The following CALN1 variants were observed in gnomAD, a reference collection of about 807,000 sequenced individuals.
CALN1 encodes the protein calcium-binding protein 8.
CALN1 carries 17 observed loss-of-function variants against 30.6 expected under a neutral mutation model. The observed-to-expected ratio is 0.56, with a 90% CI of 0.38 to 0.83. The LOEUF (loss-of-function observed/expected upper bound fraction) is 0.83, where lower values mean the gene tolerates loss of function less well. Among genes scored for constraint, CALN1 ranks in the 40% least tolerant of loss-of-function variants. The pLI is 0.00. For synonymous variants in CALN1, 156 were observed against 131.4 expected (o/e 1.19, Z -1.28); for missense variants, 291 against 354.9 (o/e 0.82, Z 1.45).
chr7:72,248,679 A>G (rs1795349563), intron 3 of CALN1, among the ~76,000 whole-genome samples: 2 of 152,130 alleles, frequency 1.3e-5, no homozygotes, highest in South Asian at 2.1e-4. Flanking sequence ...CACATCTGCA[A>G]TGTACTTTTT....
chr7:71,789,522 T>A (rs1013121440), intron 6 of CALN1, among the ~76,000 whole-genome samples: 1 of 152,116 alleles, frequency 6.6e-6, no homozygotes, highest in African/African-American at 2.4e-5. Flanking sequence ...CCGTGAGATC[T>A]TGGATGCTGC....
At chr7:72,308,910 T>C (rs1202827239) in intron 2 of CALN1, among the ~76,000 whole-genome samples, 2 of 152,210 alleles carry the variant, frequency 1.3e-5, no homozygotes, top group Non-Finnish European at 2.9e-5. Context: ...TGAAATTCCA[T>C]GCAACTAACT....
chr7:72,203,995 T>A (rs1378997406), intron 3 of CALN1, among the ~76,000 whole-genome samples: 2 of 123,840 alleles, frequency 1.6e-5, no homozygotes, highest in East Asian at 2.4e-4. Flanking sequence ...TTTTTTTTTT[T>A]TTTTTTTTTT....
intron 1 of CALN1, among the ~76,000 whole-genome samples, chr7:72,411,156 GA>G (rs944738443): frequency 2.0e-5 from 3 of 151,910 alleles, no homozygotes; most frequent in Non-Finnish European, 2.9e-5. Flanking sequence ...TTACAGATTT[GA>G]AAAAAACTAT....
intron 5 of CALN1, among the ~76,000 whole-genome samples, chr7:71,973,690 T>C (rs1797961854): frequency 6.6e-6 from 1 of 152,130 alleles, no homozygotes; most frequent in African/African-American, 2.4e-5. Context: ...TTGGCACATT[T>C]AAGATGCATG....
chr7:71,877,638 A>T (rs559708875), intron 5 of CALN1, among the ~76,000 whole-genome samples: 2 of 138,710 alleles, frequency 1.4e-5, no homozygotes, highest in African/African-American at 5.2e-5. Context: ...AGACCTTTAT[A>T]AAAAAAAAAC....
At chr7:72,487,955 AAAGGAAGG>A in the CALN1 span, among the ~76,000 whole-genome samples, 66 of 54,428 alleles carry the variant, frequency 1.2e-3, 1 homozygote, top group East Asian at 0.014. Context: ...GGAAGGAAGG[AAAGGAAGG>A]AAGGAAGGAA....
At chr7:72,458,104 C>A in the CALN1 span, among the ~76,000 whole-genome samples, 76 of 110,792 alleles carry the variant, frequency 6.9e-4, no homozygotes, top group Non-Finnish European at 1.5e-3. Flanking sequence ...ACAACAAATT[C>A]TGGTTAAAAT....
rs138621315 is a variant in CALN1 at position 72,207,661 on chromosome 7, TAAG to T, written c.244+71022_244+71024del. 1.2e-3 allele frequency among the ~76,000 whole-genome samples: 189 copies of T among 152,272 alleles called. 1 individual carries two copies. In the East Asian group the frequency reaches 0.034, roughly 27 times the overall value. The stretch of plus-strand genomic sequence containing the variant: ...TCCCCTGCCAAAAATATAAGCCTTG[TAAG>T]AAGGACATTCTCTGTCTTTACATTG... On this transcript the variant is annotated intron_variant, in intron 3 of 6. Coordinates refer to ENST00000395275, the MANE Select transcript of CALN1 (RefSeq NM_031468.4).
At chr7:72,182,561 A>C (rs971291229) in intron 3 of CALN1, among the ~76,000 whole-genome samples, 1 of 152,138 alleles carries the variant, frequency 6.6e-6, no homozygotes, top group Non-Finnish European at 1.5e-5. Context: ...CTCTACAAAA[A>C]ATACAAAAAT....
intron 5 of CALN1, among the ~76,000 whole-genome samples, chr7:71,925,072 C>G (rs1319096285): frequency 6.6e-6 from 1 of 152,084 alleles, no homozygotes; most frequent in African/African-American, 2.4e-5. Flanking sequence ...GAAACCCTGT[C>G]TCTACTAAAA....
chr7:72,246,826 C>T (rs1243629882), intron 3 of CALN1, among the ~76,000 whole-genome samples: 1 of 145,414 alleles, frequency 6.9e-6, no homozygotes, highest in Non-Finnish European at 1.5e-5. Flanking sequence ...GCAATCTCAG[C>T]TCACTGCAAC....
intron 5 of CALN1, among the ~76,000 whole-genome samples, chr7:71,944,071 T>C (rs906302274): frequency 6.6e-6 from 1 of 152,144 alleles, no homozygotes; most frequent in Non-Finnish European, 1.5e-5. Context: ...AGGTTATGAA[T>C]CTAGTCACTG....
At chr7:72,370,876 T>C (rs1334020685) in intron 2 of CALN1, among the ~76,000 whole-genome samples, 1 of 151,732 alleles carries the variant, frequency 6.6e-6, no homozygotes, top group African/African-American at 2.4e-5. Flanking sequence ...TGAAGCCGCA[T>C]CTCTACTAAA....
chr7:72,485,007 G>C, the CALN1 span, among the ~76,000 whole-genome samples: 1 of 152,088 alleles, frequency 6.6e-6, no homozygotes, highest in South Asian at 2.1e-4. Context: ...GAGAGAAATA[G>C]GTGGCCTTAT....
chr7:72,236,726 G>A (rs976119468), intron 3 of CALN1, among the ~76,000 whole-genome samples: 2 of 152,224 alleles, frequency 1.3e-5, no homozygotes, highest in African/African-American at 4.8e-5. Flanking sequence ...CTGTTGGGAG[G>A]AGGAAATAAA....
intron 4 of CALN1, among the ~76,000 whole-genome samples, chr7:72,027,753 ACACAC>A (rs1266034490): frequency 1.1e-3 from 166 of 148,808 alleles, no homozygotes; most frequent in African/African-American, 4.0e-3. Context: ...ACACACACAC[ACACAC>A]AAAAACACAT....
At chr7:72,312,394 G>GGA (rs1554364776) in intron 2 of CALN1, among the ~76,000 whole-genome samples, 6 of 71,826 alleles carry the variant, frequency 8.4e-5, no homozygotes, top group African/African-American at 2.7e-4. Flanking sequence ...CTTCATCTCA[G>GGA]AAAAAAAAAA....
intron 2 of CALN1, among the ~76,000 whole-genome samples, chr7:72,396,736 GAGA>G (rs1720219369): frequency 1.3e-5 from 2 of 152,084 alleles, no homozygotes. Flanking sequence ...AATTGTGAGG[GAGA>G]AGGTGACACC....
Sources: gnomAD v4.1 joint callset for allele counts (sites outside exome capture counted in the v4.1 genomes callset) on GRCh38, gnomAD v4.1.1 for gene constraint, MANE v1.5 for transcripts, NCBI Gene and HGNC (gene_info 2026-07-23, HGNC 2026-07-21) for gene names.